DGKQ: variants seen among roughly 807,000 people sequenced by gnomAD.
DGKQ encodes DAG kinase theta.
A neutral mutation model predicts 104.2 loss-of-function variants in DGKQ; 97 were observed. The ratio of observed to expected loss-of-function variants is 0.93; its 90% CI spans 0.79 to 1.10. DGKQ has a LOEUF of 1.10. Ranked by LOEUF, DGKQ falls within the 50% of genes least tolerant of loss-of-function variation. The pLI, the probability that DGKQ is intolerant of heterozygous loss-of-function variation, is 0.00. For synonymous variants in DGKQ, 736 were observed against 595.2 expected (o/e 1.24, Z -3.44); for missense variants, 1,465 against 1,352.1 (o/e 1.08, Z -1.31).
chr4:965,341 G>A (rs781196506), intron 14 of DGKQ, 50 bp from the exon 15 acceptor site: 13 of 1,585,666 alleles, frequency 8.2e-6, no homozygotes, highest in East Asian at 6.7e-5. Flanking sequence ...TGGCCCCCAC[G>A]GTGCCAGGGC....
rs1316110239 is a variant in DGKQ at position 961,749 on chromosome 4, C to T, written c.2401G>A (p.Val801Met). The change falls in exon 20 of 23, where the codon GTG becomes ATG. Residue 801 changes from valine to methionine, a missense_variant. Coordinates refer to ENST00000273814, the MANE Select transcript of DGKQ (RefSeq NM_001347.4). ...RSLHKQIRLQ[V>M]ERQEVELPSI... ...GGCAGCTCCACCTCCTGCCGCTCCA[C>T]CTGCAGCCGGATCTGCTTGTGCAGG... 1.7e-5 allele frequency: 28 copies of T among 1,612,744 alleles called. No homozygotes were observed. Among genetic ancestry groups the T allele is most frequent in the Non-Finnish European group, 2.3e-5 (27 of 1,179,846 alleles).
rs909743257 is a variant in DGKQ at position 968,304 on chromosome 4, C to T, written c.641G>A (p.Arg214His). The T allele has an allele frequency of 2.6e-6, 4 of 1,525,442 alleles. No individual in the cohort carries two copies. The highest frequency in any genetic ancestry group is 2.9e-5 in the African/African-American group (2 of 70,122). 94.5% of individuals were successfully genotyped at this position (1,525,442 alleles called of 1,614,324 possible). Residue 214 changes from arginine (R) to histidine (H), a missense_variant, in exon 5 of 23, where the codon CGC becomes CAC. By Grantham distance (29) the Arg-to-His change is conservative (BLOSUM62 0). Coordinates refer to ENST00000273814, the MANE Select transcript of DGKQ (RefSeq NM_001347.4). ...CGSSDVLAGV[R>H]CEWCGVQAHS... ...CACCTGGACCCCGCACCACTCGCAG[C>T]GCACGCCGGCCAGCACGTCAGAGGA...
rs1433472795 is a variant in DGKQ at position 967,889 on chromosome 4, C to T, written c.802G>A (p.Ala268Thr). The T allele has an allele frequency of 4.1e-6, 6 of 1,450,288 alleles. No homozygotes were observed. The highest frequency in any genetic ancestry group is 1.5e-5 in the African/African-American group (1 of 68,162). The allele number at this position is 1,450,288 out of a possible 1,614,324, so 89.8% of individuals were successfully genotyped here. ...KTQSFRIVEA[A>T]EPGEGGDGAD... Reference sequence around the variant, plus strand: ...CCGGCCCGCACCTCACCCGGCTCCGCGGCCTCCACGATGCGGAAGCTCTGC... The same window carrying T: ...CCGGCCCGCACCTCACCCGGCTCCGTGGCCTCCACGATGCGGAAGCTCTGC... The change falls in exon 6 of 23, where the codon GCG becomes ACG. Residue 268 changes from alanine (A) to threonine (T), a missense_variant. Physicochemically the swap from Ala to Thr is moderately conservative, Grantham distance 58. Coordinates refer to ENST00000273814, the MANE Select transcript of DGKQ (RefSeq NM_001347.4).
intron 3 of DGKQ, 111 bp downstream of exon 3, chr4:968,700 C>A (rs1712677445): frequency 7.4e-7 from 1 of 1,342,640 alleles, no homozygotes; most frequent in Non-Finnish European, 1.0e-6. Context: ...AGGCGGCCAG[C>A]CCTTGGCCTC....
Position 967,298 on chromosome 4 carries a change from G to A in DGKQ, c.1051C>T (p.Pro351Ser). Reference sequence around the variant, plus strand: ...GCGTCACAGGCCTGAGAGGAAGGGGGCAGCCGGCACAGCTCCAGGTGGCCA... The same window carrying A: ...GCGTCACAGGCCTGAGAGGAAGGGGACAGCCGGCACAGCTCCAGGTGGCCA... ...DPGHLELCRL[P>S]PSSQACDAWA... Residue 351 changes from proline (P) to serine (S), a missense_variant, in exon 9 of 23, where the codon CCC becomes TCC. Physicochemically the swap from Pro to Ser is moderately conservative, Grantham distance 74. Coordinates refer to ENST00000273814, the MANE Select transcript of DGKQ (RefSeq NM_001347.4). The A allele has an allele frequency of 6.5e-7, 1 of 1,543,242 alleles. No individual in the cohort carries two copies. Among genetic ancestry groups the A allele is most frequent in the Non-Finnish European group, 8.7e-7 (1 of 1,149,250 alleles).
intron 12 of DGKQ, 64 bp from the exon 13 acceptor site, chr4:966,142 T>G: frequency 6.7e-7 from 1 of 1,493,754 alleles, no homozygotes; most frequent in Non-Finnish European, 9.1e-7. Flanking sequence ...AGGCCCTCTG[T>G]CTCCTCACCC....
chr4:961,083 G>A lies in DGKQ; in HGVS notation c.2693C>T (p.Pro898Leu), dbSNP rs774849818. 22 of 1,612,108 alleles carry A rather than the reference G, an allele frequency of 1.4e-5. No individual in the cohort carries two copies. The highest frequency in any genetic ancestry group is 4.4e-5 in the South Asian group (4 of 91,080). The change falls in exon 22 of 23, where the codon CCG becomes CTG. Residue 898 changes from proline (P) to leucine (L), a missense_variant. Transcript: ENST00000273814. ...QVDGEPWVQA[P>L]GHMIISAAGP... is the part of the protein sequence containing the mutation. ...AGCAGCTGAGATGATCATGTGCCCCGGGGCCTGGACCCAGGGCTCCCCGTC... is the reference window on the plus strand; with the variant it reads ...AGCAGCTGAGATGATCATGTGCCCCAGGGCCTGGACCCAGGGCTCCCCGTC...
intron 8 of DGKQ, 63 bp from the exon 9 acceptor site, chr4:967,424 A>C: frequency 1.5e-6 from 1 of 646,574 alleles, no homozygotes; most frequent in Non-Finnish European, 2.2e-6. Flanking sequence ...AGTGGGGGGC[A>C]GGTCATGGAG....
chr4:961,408 T>C, intron 21 of DGKQ, 59 bp downstream of exon 21: 2 of 1,508,532 alleles, frequency 1.3e-6, no homozygotes, highest in Non-Finnish European at 1.8e-6. Flanking sequence ...CCAGCTGGGC[T>C]CAGCGGGGAC....
At chr4:968,158 C>G (rs1361508241) in intron 5 of DGKQ, 124 bp downstream of exon 5, 1 of 807,442 alleles carries the variant, frequency 1.2e-6, no homozygotes, top group Non-Finnish European at 1.8e-6. Context: ...CGCCCGCCCC[C>G]GAGCACCCAC....
intron 2 of DGKQ, 32 bp from the exon 3 acceptor site, chr4:968,942 G>A: frequency 2.1e-6 from 3 of 1,461,706 alleles, no homozygotes; most frequent in Non-Finnish European, 2.8e-6. Context: ...AGCACCCTTG[G>A]TAAGGGCAAC....
Position 966,046 on chromosome 4 carries a change from G to T in DGKQ, c.1461C>A (p.Phe487Leu). 1 of 1,603,750 alleles carries T rather than the reference G, an allele frequency of 6.2e-7. No individual in the cohort carries two copies. The highest frequency in any genetic ancestry group is 1.3e-5 in the African/African-American group (1 of 74,980). Reference sequence around the variant, plus strand: ...CTACATCCCTGCTCTCTGCCACGTAGAACCGCGTCTGGCTCACCTGCCGCA... The same window carrying T: ...CTACATCCCTGCTCTCTGCCACGTATAACCGCGTCTGGCTCACCTGCCGCA... ...MSVRQVSQTR[F>L]YVAESRDVAP... The change falls in exon 13 of 23, where the codon TTC becomes TTA. Residue 487 changes from phenylalanine (F) to leucine (L), a missense_variant. Phe to Leu is a conservative substitution (Grantham distance 22). Coordinates refer to ENST00000273814, the MANE Select transcript of DGKQ (RefSeq NM_001347.4).
Position 967,228 on chromosome 4 carries a change from CCCT to C in DGKQ, c.1118_1120del (p.Glu373del). ...GGCCTCGCCGGACCCGGGGCTTCTG[CCCT>C]CCTCCGAGATCACAGCACTCCCAGC... On this transcript the variant is annotated inframe_deletion, in exon 9 of 23. Transcript: ENST00000273814. 1 of 1,575,658 alleles carries C rather than the reference CCCT, an allele frequency of 6.3e-7. No individual in the cohort carries two copies. The highest frequency in any genetic ancestry group is 8.6e-7 in the Non-Finnish European group (1 of 1,163,080).
rs931748508 is a variant in DGKQ at position 968,015 on chromosome 4, A to G, written c.676T>C (p.Cys226Arg). 3.5e-6 allele frequency: 5 copies of G among 1,438,810 alleles called. No individual in the cohort carries two copies. The African/African-American group carries it at 7.4e-5, about 21-fold the overall frequency. The allele number at this position is 1,438,810 out of a possible 1,614,324, so 89.1% of individuals were successfully genotyped here. A position where few individuals can be genotyped will look rare whatever the true frequency, so the allele number is the denominator to read the frequency against. The stretch of plus-strand genomic sequence containing the variant: ...CACTCGGGAGCCAGCGCCGCGGAGC[A>G]GAGGGAGTGCGCCTGGGGGGAGAAG... ...EWCGVQAHSL[C>R]SAALAPECGF... is the part of the protein sequence containing the mutation. Residue 226 changes from cysteine (C) to arginine (R), a missense_variant, in exon 6 of 23, where the codon TGC becomes CGC. Cys to Arg is a radical substitution (Grantham distance 180). Transcript: ENST00000273814.
At chr4:973,136 C>T in intron 1 of DGKQ, 76 bp downstream of exon 1, 2 of 1,370,432 alleles carry the variant, frequency 1.5e-6, no homozygotes, top group Non-Finnish European at 1.9e-6. Flanking sequence ...AGCGCCGGTG[C>T]CACCTCCGCT....
chr4:968,421 G>T lies in DGKQ; in HGVS notation c.538-14C>A. ...GTGATGGGTGTCCTGCAGAGCGGGGGCAGTCAGCAGCTGGGCCCGCCCCAC... is the reference window on the plus strand; with the variant it reads ...GTGATGGGTGTCCTGCAGAGCGGGGTCAGTCAGCAGCTGGGCCCGCCCCAC... On this transcript the variant is annotated splice_polypyrimidine_tract_variant and intron_variant, in intron 4 of 22. Transcript: ENST00000273814. The T allele has an allele frequency of 6.3e-7, 1 of 1,583,202 alleles. No individual in the cohort carries two copies.
At position 962,095 on chromosome 4, in the gene DGKQ, C is replaced by T. The variant is rs370196598; in HGVS notation, c.2215-13G>A. The T allele has an allele frequency of 5.0e-6, 8 of 1,605,436 alleles. No individual in the cohort carries two copies. The highest frequency in any genetic ancestry group is 2.7e-5 in the African/African-American group (2 of 74,834). ...TCATCTGCACGATCTGGGGACAGGG[C>T]GTTCATCTCCCAGGACCCGGCCGCC... On this transcript the variant is annotated splice_polypyrimidine_tract_variant and intron_variant, in intron 18 of 22. Coordinates refer to ENST00000273814, the MANE Select transcript of DGKQ (RefSeq NM_001347.4).
intron 22 of DGKQ, 40 bp downstream of exon 22, chr4:961,009 C>T (rs770939341): frequency 2.1e-5 from 33 of 1,605,516 alleles, no homozygotes; most frequent in African/African-American, 4.0e-5. Context: ...CGGCCCAGCC[C>T]GGCCCACCTC....
chr4:963,308 G>A lies in DGKQ; in HGVS notation c.1735-18C>T, dbSNP rs1712032483. Reference sequence around the variant, plus strand: ...TTCGCGTGCTGACAGACAGGGGGCTGGGTTAGGATGGGGACCCAAGGTGGG... The same window carrying A: ...TTCGCGTGCTGACAGACAGGGGGCTAGGTTAGGATGGGGACCCAAGGTGGG... On this transcript the variant is annotated intron_variant, in intron 15 of 22. Coordinates refer to ENST00000273814, the MANE Select transcript of DGKQ (RefSeq NM_001347.4). 6.3e-7 allele frequency: 1 copy of A among 1,588,402 alleles called. No individual in the cohort carries two copies.
Sources: gnomAD v4.1 joint callset for allele counts on GRCh38, gnomAD v4.1.1 for gene constraint, MANE v1.5 for transcripts, NCBI Gene and HGNC (gene_info 2026-07-23, HGNC 2026-07-21) for gene names.